BLTP1: variants seen among roughly 807,000 people sequenced by gnomAD.
BLTP1 encodes bridge-like lipid transfer protein family member 1, also known as fragile site-associated protein.
chr4:122,188,241 A>G, the BLTP1 span: 1 of 690,066 alleles, frequency 1.4e-6, no homozygotes, highest in South Asian at 6.7e-5. Flanking sequence ...GTCCTTCTTT[A>G]TAGGATAAAT....
chr4:122,340,849 G>A, the BLTP1 span: 1 of 936,892 alleles, frequency 1.1e-6, no homozygotes, highest in Non-Finnish European at 1.3e-6. Context: ...AAGTACTAAA[G>A]GTGAAATGAA....
the BLTP1 span, chr4:122,238,024 T>G: frequency 6.6e-7 from 1 of 1,507,544 alleles, no homozygotes; most frequent in Non-Finnish European, 8.9e-7. Flanking sequence ...ATGGATTAGA[T>G]TGCCATGTTT....
the BLTP1 span, among the ~76,000 whole-genome samples, chr4:122,166,506 G>A: frequency 7.2e-5 from 11 of 152,246 alleles, no homozygotes; most frequent in East Asian, 3.9e-4. Flanking sequence ...GTCAGGTACC[G>A]TGATGCCTCC....
chr4:122,263,668 A>T, the BLTP1 span: 1 of 973,848 alleles, frequency 1.0e-6, no homozygotes, highest in African/African-American at 1.7e-5. Flanking sequence ...CTTATTTTTC[A>T]GGGGATGGGT....
chr4:122,171,528 T>C, the BLTP1 span, among the ~76,000 whole-genome samples: 1 of 152,158 alleles, frequency 6.6e-6, no homozygotes, highest in African/African-American at 2.4e-5. Context: ...ATATGTTGTC[T>C]CACTTAATGC....
At chr4:122,167,008 A>G in the BLTP1 span, among the ~76,000 whole-genome samples, 1 of 151,948 alleles carries the variant, frequency 6.6e-6, no homozygotes, top group African/African-American at 2.4e-5. Context: ...GCTTATCTTT[A>G]CTTTCTGTCC....
chr4:122,294,138 G>C, the BLTP1 span, among the ~76,000 whole-genome samples: 1 of 152,172 alleles, frequency 6.6e-6, no homozygotes. Flanking sequence ...GGGGTGGGGC[G>C]CTGCCATCTC....
the BLTP1 span, chr4:122,345,101 A>G: frequency 2.4e-6 from 2 of 841,262 alleles, no homozygotes; most frequent in Non-Finnish European, 2.9e-6. Flanking sequence ...TGAATCAAAT[A>G]AATATGGTAT....
At chr4:122,327,269 C>T in the BLTP1 span, among the ~76,000 whole-genome samples, 1 of 151,714 alleles carries the variant, frequency 6.6e-6, no homozygotes, top group Admixed American at 6.6e-5. Flanking sequence ...TCCACAAATA[C>T]TCGAGTCCCT....
At chr4:122,263,398 T>G in the BLTP1 span, 2 of 1,503,048 alleles carry the variant, frequency 1.3e-6, no homozygotes, top group Middle Eastern at 1.8e-4. Flanking sequence ...TTTTTGCTCC[T>G]TAGTATATAA....
At chr4:122,223,371 G>A in the BLTP1 span, among the ~76,000 whole-genome samples, 7 of 152,098 alleles carry the variant, frequency 4.6e-5, no homozygotes, top group Non-Finnish European at 7.4e-5. Flanking sequence ...AATAATTTGC[G>A]AACTGCCTCA....
the BLTP1 span, chr4:122,245,251 G>A: frequency 3.2e-6 from 3 of 931,298 alleles, no homozygotes; most frequent in East Asian, 2.5e-5. Context: ...ATTTGGACAT[G>A]TTCTAAAAGC....
chr4:122,192,099 T>C, the BLTP1 span: 4 of 840,446 alleles, frequency 4.8e-6, no homozygotes, highest in Admixed American at 3.0e-5. Context: ...CAACCCCTTT[T>C]AGGTTCTCAA....
chr4:122,178,758 C>T, the BLTP1 span, among the ~76,000 whole-genome samples: 3 of 152,172 alleles, frequency 2.0e-5, no homozygotes, highest in African/African-American at 7.2e-5. Flanking sequence ...ATGCACCCTT[C>T]TGCATTAGTG....
the BLTP1 span, among the ~76,000 whole-genome samples, chr4:122,278,324 G>A: frequency 1.3e-5 from 2 of 152,090 alleles, no homozygotes; most frequent in Non-Finnish European, 2.9e-5. Flanking sequence ...GAAGAGAAAT[G>A]CGCACCCTTT....
the BLTP1 span, chr4:122,298,788 T>C: frequency 1.2e-6 from 1 of 839,228 alleles, no homozygotes; most frequent in African/African-American, 1.8e-5. Flanking sequence ...AAGTTCTACT[T>C]TTTGATGATT....
chr4:122,261,799 T>G, the BLTP1 span: 117 of 979,846 alleles, frequency 1.2e-4, 1 homozygote, highest in African/African-American at 1.8e-3. Context: ...GAAACATGCT[T>G]ATCAAGTGTT....
the BLTP1 span, chr4:122,254,011 G>A: frequency 7.9e-4 from 130 of 164,178 alleles, no homozygotes; most frequent in South Asian, 1.4e-3. Context: ...TTAAAGTGCT[G>A]AAGGAAAAAC....
At chr4:122,216,442 TAAATTA>T in the BLTP1 span, among the ~76,000 whole-genome samples, 1 of 152,172 alleles carries the variant, frequency 6.6e-6, no homozygotes, top group African/African-American at 2.4e-5. Context: ...TTTTAACTTT[TAAATTA>T]TGGCCATTCT....
Sources: gnomAD v4.1 joint callset for allele counts (sites outside exome capture counted in the v4.1 genomes callset) on GRCh38, gnomAD v4.1.1 for gene constraint, MANE v1.5 for transcripts, NCBI Gene and HGNC (gene_info 2026-07-23, HGNC 2026-07-21) for gene names.